Variants in KIAA1549L observed in about 807,000 individuals in gnomAD.
KIAA1549L encodes UPF0606 protein KIAA1549L.
A neutral mutation model predicts 160.7 loss-of-function variants in KIAA1549L; 88 were observed. That is an observed-to-expected ratio of 0.55 (90% confidence interval 0.46 to 0.65). The LOEUF is 0.65. Ranked by LOEUF, KIAA1549L falls within the 30% of genes least tolerant of loss-of-function variation. The pLI is 0.00. For synonymous variants in KIAA1549L, 950 were observed against 976.7 expected (o/e 0.97, Z 0.51); for missense variants, 2,258 against 2,437.5 (o/e 0.93, Z 1.55).
At chr11:33,527,309 C>A (rs1175573984) in intron 1 of KIAA1549L, among the ~76,000 whole-genome samples, 1 of 152,108 alleles carries the variant, frequency 6.6e-6, no homozygotes, top group Non-Finnish European at 1.5e-5. Context: ...GCCAACTGAT[C>A]TTCAACAAAA....
Position 33,543,132 on chromosome 11 carries a change from G to A in KIAA1549L, c.1569G>A (p.Met523Ile), listed in dbSNP as rs946267069. ...NHASPSPVPEMPTLPAEGSDG... is the reference protein window; with the variant it reads ...NHASPSPVPEIPTLPAEGSDG... ...CCTCCCCATCTCCTGTGCCAGAAAT[G>A]CCCACTCTTCCAGCAGAGGGCAGTG... Residue 523 changes from methionine (M) to isoleucine (I), a missense_variant, in exon 2 of 21, where the codon ATG (methionine) becomes ATA (isoleucine). Met to Ile is a conservative substitution (Grantham distance 10, BLOSUM62 1). Transcript: ENST00000658780. The A allele has an allele frequency of 6.2e-7, 1 of 1,613,746 alleles. No individual in the cohort carries two copies. Among genetic ancestry groups the A allele is most frequent in the Admixed American group, 1.7e-5 (1 of 60,014 alleles).
rs575973870 is a variant in KIAA1549L, at chr11:33,432,060, G to A, written c.238+55171G>A. 1.2e-3 allele frequency among the ~76,000 whole-genome samples: 183 copies of A among 152,282 alleles called. 1 individual carries two copies. The highest frequency in any genetic ancestry group is 4.3e-3 in the African/African-American group (180 of 41,572). ...CGAGTGCGGGGCCTGCCAAGCCCACGCCCACCCGGAACTCCAGCTGGCCCA... is the reference window on the plus strand; with the variant it reads ...CGAGTGCGGGGCCTGCCAAGCCCACACCCACCCGGAACTCCAGCTGGCCCA... On this transcript the variant is annotated intron_variant, in intron 1 of 20. Transcript: ENST00000658780.
chr11:33,425,321 T>A (rs1851094290), intron 1 of KIAA1549L, among the ~76,000 whole-genome samples: 1 of 152,220 alleles, frequency 6.6e-6, no homozygotes, highest in African/African-American at 2.4e-5. Flanking sequence ...CTTGGTTGAC[T>A]CATTCTCTGC....
At chr11:33,575,330 G>T (rs1477489775) in intron 10 of KIAA1549L, among the ~76,000 whole-genome samples, 1 of 152,242 alleles carries the variant, frequency 6.6e-6, no homozygotes, top group Non-Finnish European at 1.5e-5. Context: ...ATAGGAAAGT[G>T]CTGTAAAAGG....
intron 4 of KIAA1549L, among the ~76,000 whole-genome samples, chr11:33,550,558 C>A (rs1385291917): frequency 2.0e-5 from 3 of 152,184 alleles, no homozygotes; most frequent in South Asian, 4.1e-4. Context: ...CTGAACAAGT[C>A]TTCTCTCTGC....
At chr11:33,661,899 A>G (rs1852276489) in intron 20 of KIAA1549L, among the ~76,000 whole-genome samples, 1 of 148,482 alleles carries the variant, frequency 6.7e-6, no homozygotes, top group Admixed American at 6.8e-5. Flanking sequence ...AAAAAAAAAA[A>G]AAAAAAAGAA....
In KIAA1549L at chr11:33,574,794, A is replaced by G. The variant is rs113427469; in HGVS notation, c.4323A>G (p.Ala1441=). Residue 1441 remains alanine (A), a synonymous_variant, in exon 10 of 21, where the codon GCA becomes GCG. Coordinates refer to ENST00000658780, the MANE Select transcript of KIAA1549L (RefSeq NM_012194.3). ...LYNGKPLLGT[A]AAKILSTIDS... ...ACGGGAAGCCTTTGTTGGGGACCGCAGCTGCCAAGATCCTGAGCACCATTG... is the reference window on the plus strand; with the variant it reads ...ACGGGAAGCCTTTGTTGGGGACCGCGGCTGCCAAGATCCTGAGCACCATTG... The G allele has an allele frequency of 1.0e-4, 163 of 1,614,014 alleles. 1 individual carries two copies. The African/African-American group carries it at 1.5e-3, about 15-fold the overall frequency.
chr11:33,387,032 A>AG (rs944080326), intron 1 of KIAA1549L, among the ~76,000 whole-genome samples: 2 of 150,054 alleles, frequency 1.3e-5, no homozygotes, highest in South Asian at 2.2e-4. Context: ...GTTGGAACCC[A>AG]GGAGGTGGAG....
At chr11:33,529,932 G>A (rs972135654) in intron 1 of KIAA1549L, among the ~76,000 whole-genome samples, 1 of 152,112 alleles carries the variant, frequency 6.6e-6, no homozygotes, top group African/African-American at 2.4e-5. Flanking sequence ...AAAATGGTGT[G>A]AAGCCCTAGT....
At chr11:33,595,300 C>T (rs898169706) in intron 12 of KIAA1549L, among the ~76,000 whole-genome samples, 1 of 152,230 alleles carries the variant, frequency 6.6e-6, no homozygotes, top group Non-Finnish European at 1.5e-5. Flanking sequence ...GATCTCAGCT[C>T]ACTGCAACCT....
chr11:33,599,011 G>C (rs750245577), intron 13 of KIAA1549L, 64 bp downstream of exon 13: 4 of 1,547,734 alleles, frequency 2.6e-6, no homozygotes, highest in Non-Finnish European at 3.5e-6. Flanking sequence ...ACACACATGC[G>C]TGCACACGTG....
intron 1 of KIAA1549L, among the ~76,000 whole-genome samples, chr11:33,382,982 A>G (rs1327475732): frequency 6.6e-6 from 1 of 152,166 alleles, no homozygotes; most frequent in Non-Finnish European, 1.5e-5. Flanking sequence ...TAAATATTAA[A>G]AGTACAGTGT....
chr11:33,662,497 T>G (rs575116999), intron 20 of KIAA1549L, among the ~76,000 whole-genome samples: 11 of 152,338 alleles, frequency 7.2e-5, no homozygotes, highest in Middle Eastern at 3.4e-3. Context: ...TTGTGTCCTT[T>G]GTCATTCTCT....
chr11:33,547,362 G>A (rs1236030634), intron 3 of KIAA1549L, among the ~76,000 whole-genome samples: 1 of 152,224 alleles, frequency 6.6e-6, no homozygotes, highest in East Asian at 1.9e-4. Context: ...CACTTGCGAG[G>A]TGGGGATGGC....
At position 33,618,602 on chromosome 11, in the gene KIAA1549L, G is replaced by A. The variant is rs1423443326; in HGVS notation, c.5349G>A (p.Glu1783=). 2.5e-6 allele frequency: 4 copies of A among 1,610,290 alleles called. No individual in the cohort carries two copies. Among genetic ancestry groups the A allele is most frequent in the Non-Finnish European group, 2.5e-6 (3 of 1,177,880 alleles). Residue 1783 remains glutamate (E), a synonymous_variant, in exon 16 of 21, where the codon GAG becomes GAA. Coordinates refer to ENST00000658780, the MANE Select transcript of KIAA1549L (RefSeq NM_012194.3). ...ACAGCCCGAGTCCAGGGGAAACCGA[G>A]ATGGACCTTCTGGTGACTCGGGAGC... ...SLNSPSPGET[E]MDLLVTRERP... is the part of the protein sequence containing the mutation.
chr11:33,590,205 A>G (rs1474170705), intron 11 of KIAA1549L, among the ~76,000 whole-genome samples: 2 of 152,182 alleles, frequency 1.3e-5, no homozygotes, highest in South Asian at 2.1e-4. Flanking sequence ...TGTTTATACT[A>G]TCTCCAATTA....
At chr11:33,426,757 G>T (rs1851124674) in intron 1 of KIAA1549L, among the ~76,000 whole-genome samples, 1 of 152,180 alleles carries the variant, frequency 6.6e-6, no homozygotes, top group Admixed American at 6.5e-5. Flanking sequence ...CACTTGGATG[G>T]AGTGGAAATC....
At chr11:33,496,283 C>A (rs1453621811) in intron 1 of KIAA1549L, among the ~76,000 whole-genome samples, 3 of 152,118 alleles carry the variant, frequency 2.0e-5, no homozygotes, top group African/African-American at 7.2e-5. Flanking sequence ...AATGCCAGAT[C>A]TCTCTTCACC....
At chr11:33,617,688 A>G (rs765512873) in intron 15 of KIAA1549L, among the ~76,000 whole-genome samples, 1 of 152,222 alleles carries the variant, frequency 6.6e-6, no homozygotes, top group Non-Finnish European at 1.5e-5. Flanking sequence ...TGTAATCTCT[A>G]GGAGAGGAGG....
Sources: allele counts gnomAD v4.1 joint callset (sites outside exome capture counted in the v4.1 genomes callset), GRCh38; gene constraint gnomAD v4.1.1; transcripts MANE v1.5; gene names NCBI Gene and HGNC (gene_info 2026-07-23, HGNC 2026-07-21).